Variants in PRKD1 observed in about 807,000 individuals in gnomAD.
PRKD1 encodes the protein protein kinase D1, also known as serine/threonine-protein kinase D1.
Under a neutral mutation model 95.9 loss-of-function variants are expected in PRKD1, and 63 were observed. The observed-to-expected ratio is 0.66, with a 90% CI of 0.54 to 0.81. PRKD1 has a LOEUF of 0.81. Ranked by LOEUF, PRKD1 falls within the 30% of genes least tolerant of loss-of-function variation. The probability of loss-of-function intolerance (pLI) is 0.00; values close to 1 mark genes in which losing one functional copy is unlikely to be tolerated. For missense variants in PRKD1, 1,048 were observed against 1,165.3 expected (o/e 0.90, Z 1.47); for synonymous variants, 425 against 423.1 (o/e 1.00, Z -0.05).
chr14:29,753,707 T>C (rs975950274), intron 1 of PRKD1, among the ~76,000 whole-genome samples: 2 of 152,196 alleles, frequency 1.3e-5, no homozygotes, highest in Non-Finnish European at 2.9e-5. Flanking sequence ...AATACCAGTA[T>C]GCAACATACC....
intron 13 of PRKD1, among the ~76,000 whole-genome samples, chr14:29,622,946 A>T (rs1879376441): frequency 6.6e-6 from 1 of 152,188 alleles, no homozygotes; most frequent in Non-Finnish European, 1.5e-5. Flanking sequence ...CTGCAAAAGT[A>T]TCTTCCTTCA....
intron 1 of PRKD1, among the ~76,000 whole-genome samples, chr14:29,923,810 G>GAAAA (rs768450153): frequency 1.0e-5 from 1 of 100,004 alleles, no homozygotes; most frequent in Admixed American, 1.1e-4. Context: ...CTCATTTGAG[G>GAAAA]AAAAAAAAAA....
intron 4 of PRKD1, among the ~76,000 whole-genome samples, chr14:29,659,666 T>C (rs1349078412): frequency 1.3e-5 from 2 of 152,230 alleles, no homozygotes; most frequent in East Asian, 3.8e-4. Context: ...ACAGACATTC[T>C]GATGTAGACA....
intron 1 of PRKD1, among the ~76,000 whole-genome samples, chr14:29,756,506 A>T (rs1339128987): frequency 6.6e-6 from 1 of 152,198 alleles, no homozygotes; most frequent in Non-Finnish European, 1.5e-5. Context: ...GCTATGTGTA[A>T]AAAAACACTA....
intron 13 of PRKD1, among the ~76,000 whole-genome samples, chr14:29,611,947 T>A (rs1250976946): frequency 1.3e-5 from 2 of 152,174 alleles, no homozygotes; most frequent in Non-Finnish European, 2.9e-5. Flanking sequence ...GGCTTGGCAT[T>A]AGATTTTAAG....
At chr14:29,715,145 C>T (rs887070059) in intron 2 of PRKD1, among the ~76,000 whole-genome samples, 2 of 151,964 alleles carry the variant, frequency 1.3e-5, no homozygotes, top group African/African-American at 4.8e-5. Flanking sequence ...AATAAATATG[C>T]TACCAAAATT....
chr14:29,616,521 G>A (rs1878876302), intron 13 of PRKD1, among the ~76,000 whole-genome samples: 1 of 151,796 alleles, frequency 6.6e-6, no homozygotes, highest in African/African-American at 2.4e-5. Context: ...ATAGCTCACT[G>A]CAGCCTTGAA....
intron 6 of PRKD1, among the ~76,000 whole-genome samples, chr14:29,637,876 G>A (rs888273827): frequency 6.6e-6 from 1 of 152,148 alleles, no homozygotes; most frequent in Non-Finnish European, 1.5e-5. Context: ...CAGGCTAAAG[G>A]TATAAAGACC....
intron 2 of PRKD1, among the ~76,000 whole-genome samples, chr14:29,721,480 A>G (rs1017704355): frequency 6.6e-6 from 1 of 152,216 alleles, no homozygotes; most frequent in Non-Finnish European, 1.5e-5. Context: ...ATATACACTG[A>G]TAATTATTAG....
At chr14:29,741,957 G>C (rs142454278) in intron 1 of PRKD1, among the ~76,000 whole-genome samples, 4 of 151,908 alleles carry the variant, frequency 2.6e-5, no homozygotes, top group Non-Finnish European at 5.9e-5. Context: ...TTGGATGCTG[G>C]CATGGATTCA....
At chr14:29,760,727 C>A (rs1467190692) in intron 1 of PRKD1, among the ~76,000 whole-genome samples, 7 of 152,168 alleles carry the variant, frequency 4.6e-5, no homozygotes, top group African/African-American at 1.7e-4. Context: ...CCTAGTAGCT[C>A]CATTCTACCA....
chr14:29,695,235 A>C (rs1884448629), intron 2 of PRKD1, among the ~76,000 whole-genome samples: 1 of 45,438 alleles, frequency 2.2e-5, no homozygotes, highest in Non-Finnish European at 4.2e-5. Context: ...ACTCCATCTC[A>C]AAAAAAAAAA....
chr14:29,630,803 C>T lies in PRKD1; in HGVS notation c.1611G>A (p.Gln537=). Residue 537 remains glutamine, a synonymous_variant, in exon 10 of 18, where the codon CAG becomes CAA. Coordinates refer to ENST00000331968, the MANE Select transcript of PRKD1 (RefSeq NM_002742.3). ...DVARMWEIAI[Q]HALMPVIPKG... ...TGGGAATGACGGGCATAAGGGCATG[C>T]TGGATGGCTATCTCCCACATCCTGG... 6.2e-7 allele frequency: 1 copy of T among 1,614,110 alleles called. No homozygotes were observed. Among genetic ancestry groups the T allele is most frequent in the Non-Finnish European group, 8.5e-7 (1 of 1,179,984 alleles).
rs541665001 is a variant in PRKD1, at chr14:29,674,137, G to GTTA, written c.404-7932_404-7930dup. ...CAGAAAGACCTGGGTTAGAATCACA[G>GTTA]TTATTATTAATAATAATAATTATTG... On this transcript the variant is annotated intron_variant, in intron 2 of 17. Coordinates refer to ENST00000331968, the MANE Select transcript of PRKD1 (RefSeq NM_002742.3). 3.8e-3 allele frequency among the ~76,000 whole-genome samples: 577 copies of GTTA among 152,164 alleles called. 5 individuals are homozygous for GTTA. The highest frequency in any genetic ancestry group is 6.0e-3 in the Non-Finnish European group (408 of 68,020).
chr14:29,815,237 C>T (rs1235654242), intron 1 of PRKD1, among the ~76,000 whole-genome samples: 1 of 152,216 alleles, frequency 6.6e-6, no homozygotes, highest in Non-Finnish European at 1.5e-5. Flanking sequence ...TTAGAAACAT[C>T]TAAATTACTT....
chr14:29,722,598 T>C (rs1885950060), intron 2 of PRKD1, among the ~76,000 whole-genome samples: 1 of 152,190 alleles, frequency 6.6e-6, no homozygotes, highest in African/African-American at 2.4e-5. Context: ...AACTCATACA[T>C]ATTTATTGAG....
chr14:29,803,893 A>T (rs1890128697), intron 1 of PRKD1, among the ~76,000 whole-genome samples: 1 of 152,170 alleles, frequency 6.6e-6, no homozygotes, highest in Non-Finnish European at 1.5e-5. Context: ...GCTATCCTGT[A>T]ACCACAGTAA....
intron 1 of PRKD1, among the ~76,000 whole-genome samples, chr14:29,728,873 T>C (rs1886300924): frequency 1.3e-5 from 2 of 152,144 alleles, no homozygotes; most frequent in Admixed American, 6.5e-5. Flanking sequence ...CACCACATTA[T>C]ATTTATTATT....
intron 1 of PRKD1, among the ~76,000 whole-genome samples, chr14:29,752,715 T>G (rs930109555): frequency 1.3e-5 from 2 of 152,000 alleles, no homozygotes; most frequent in African/African-American, 4.8e-5. Flanking sequence ...GGCCAAAAAG[T>G]GATGCAATTA....
Sources: gnomAD v4.1 joint callset for allele counts (sites outside exome capture counted in the v4.1 genomes callset) on GRCh38, gnomAD v4.1.1 for gene constraint, MANE v1.5 for transcripts, NCBI Gene and HGNC (gene_info 2026-07-23, HGNC 2026-07-21) for gene names.